The following STEAP1 variants were observed in gnomAD, a reference collection of about 807,000 sequenced individuals.
STEAP1 encodes the protein STEAP1 protein.
In STEAP1, 30 loss-of-function variants were observed where a neutral mutation model predicts 34.4. That is an observed-to-expected ratio of 0.87 (90% confidence interval 0.65 to 1.18). STEAP1 has a LOEUF of 1.18. Ranked by LOEUF, STEAP1 falls within the 50% of genes most tolerant of loss-of-function variation. The probability of loss-of-function intolerance (pLI) is 0.00; values close to 1 mark genes in which losing one functional copy is unlikely to be tolerated. For missense variants in STEAP1, 318 were observed against 391.1 expected, an observed-to-expected ratio of 0.81 and a Z score of 1.58; for synonymous variants, 116 against 135.3, an observed-to-expected ratio of 0.86 and a Z score of 0.99.
Position 90,164,500 on chromosome 7 carries a change from T to A in STEAP1, c.786T>A (p.Leu262=). 6.2e-7 allele frequency: 1 copy of A among 1,606,890 alleles called. No individual in the cohort carries two copies. The part of the protein sequence containing the change: ...YIQSKLGIVS[L]LLGTIHALIF... ...AGAGCAAGCTAGGAATTGTTTCCCT[T>A]CTACTGGGCACAATACACGCATTGA... is the stretch of plus-strand genomic sequence containing the variant. The change falls in exon 5 of 5, where the codon CTT becomes CTA. Residue 262 remains leucine, a synonymous_variant. Transcript: ENST00000297205.
At position 90,164,773 on chromosome 7, in the gene STEAP1, A is replaced by G. The variant is rs746778613; in HGVS notation, c.*39A>G. ...ACACATTTTTGTTCAATATTGATAT[A>G]TTTTATCACCAACATTTCAAGTTTG... On this transcript the variant is annotated 3_prime_UTR_variant, in exon 5 of 5. Coordinates refer to ENST00000297205, the MANE Select transcript of STEAP1 (RefSeq NM_012449.3). 1 of 1,518,034 alleles carries G rather than the reference A, an allele frequency of 6.6e-7. No homozygotes were observed. Among genetic ancestry groups the G allele is most frequent in the South Asian group, 1.3e-5 (1 of 77,630 alleles). The allele number at this position is 1,518,034 out of a possible 1,614,324, so 94.0% of individuals were successfully genotyped here.
Position 90,164,603 on chromosome 7 carries a change from C to T in STEAP1, c.889C>T (p.Leu297Phe). The change falls in exon 5 of 5, where the codon CTT (leucine) becomes TTT (phenylalanine). Residue 297 changes from leucine (L) to phenylalanine (F), a missense_variant. Coordinates refer to ENST00000297205, the MANE Select transcript of STEAP1 (RefSeq NM_012449.3). ...TPPTFMIAVF[L>F]PIVVLIFKSI... ...TCCAACTTTTATGATAGCTGTTTTC[C>T]TTCCAATTGTTGTCCTGATATTTAA... 1 of 1,613,726 alleles carries T rather than the reference C, an allele frequency of 6.2e-7. No individual in the cohort carries two copies. Among genetic ancestry groups the T allele is most frequent in the South Asian group, 1.1e-5 (1 of 91,058 alleles).
chr7:90,160,112 G>C (rs1299027364), intron 2 of STEAP1, among the ~76,000 whole-genome samples: 1 of 151,910 alleles, frequency 6.6e-6, no homozygotes, highest in Non-Finnish European at 1.5e-5. Context: ...TGAAAATCTG[G>C]GGTCTTAGTT....
At chr7:90,154,952 C>T (rs1246802905) in intron 1 of STEAP1, among the ~76,000 whole-genome samples, 3 of 152,188 alleles carry the variant, frequency 2.0e-5, no homozygotes, top group Non-Finnish European at 4.4e-5. Context: ...TGCTACTTCT[C>T]GTCTTCGGGT....
rs1794194076 is a variant in STEAP1 at position 90,162,093 on chromosome 7, A to G, written c.762+15A>G. On this transcript the variant is annotated intron_variant, in intron 4 of 4. Transcript: ENST00000297205. ...ACTATATTCAGGTAAATAATATATA[A>G]AATAACCCTAAGAGGTAAATCTTCT... The G allele has an allele frequency of 1.3e-6, 2 of 1,580,838 alleles. No individual in the cohort carries two copies. Among genetic ancestry groups the G allele is most frequent in the East Asian group, 4.5e-5 (2 of 44,168 alleles).
rs1226177377 is a variant in STEAP1 at position 90,164,565 on chromosome 7, T to C, written c.851T>C (p.Val284Ala). The change falls in exon 5 of 5, where the codon GTA (valine) becomes GCA (alanine). Residue 284 changes from valine (V) to alanine (A), a missense_variant. Transcript: ENST00000297205. Reference sequence around the variant, plus strand: ...AAGTGGATAGATATAAAACAATTTGTATGGTATACACCTCCAACTTTTATG... The same window carrying C: ...AAGTGGATAGATATAAAACAATTTGCATGGTATACACCTCCAACTTTTATG... ...WNKWIDIKQF[V>A]WYTPPTFMIA... 3 of 1,613,758 alleles carry C rather than the reference T, an allele frequency of 1.9e-6. No individual in the cohort carries two copies. The Admixed American group carries it at 5.0e-5, about 27-fold the overall frequency.
chr7:90,159,060 C>A (rs1020475421), intron 1 of STEAP1, among the ~76,000 whole-genome samples: 16 of 152,326 alleles, frequency 1.1e-4, no homozygotes, highest in African/African-American at 3.8e-4. Context: ...CATATGTTTT[C>A]TTTCCCTAAA....
At chr7:90,160,397 T>C (rs533914192) in intron 2 of STEAP1, among the ~76,000 whole-genome samples, 1 of 152,082 alleles carries the variant, frequency 6.6e-6, no homozygotes, top group South Asian at 2.1e-4. Context: ...CTTACTACAT[T>C]TTTTGACTGA....
intron 3 of STEAP1, among the ~76,000 whole-genome samples, chr7:90,161,584 C>T (rs1794187264): frequency 6.6e-6 from 1 of 152,150 alleles, no homozygotes. Flanking sequence ...TTTCAAACTT[C>T]TACCACCCTC....
intron 1 of STEAP1, among the ~76,000 whole-genome samples, 166 bp downstream of exon 1, chr7:90,154,709 G>A (rs1025572340): frequency 6.6e-6 from 1 of 152,162 alleles, no homozygotes; most frequent in Non-Finnish European, 1.5e-5. Flanking sequence ...TCAATTCTCC[G>A]CTTATGCGCG....
At position 90,161,808 on chromosome 7, in the gene STEAP1, G is replaced by C. The variant is rs911673655; in HGVS notation, c.598-106G>C. On this transcript the variant is annotated intron_variant, in intron 3 of 4. Coordinates refer to ENST00000297205, the MANE Select transcript of STEAP1 (RefSeq NM_012449.3). ...AAAAGTCATAAATTTGTGGAGACCT[G>C]TTATCAGGGCTTCATAGTAGGCACA... is the stretch of plus-strand genomic sequence containing the variant. 32 of 1,450,656 alleles carry C rather than the reference G, an allele frequency of 2.2e-5. No homozygotes were observed. The African/African-American group carries it at 3.3e-4, about 15-fold the overall frequency. 89.9% of individuals were successfully genotyped at this position (1,450,656 alleles called of 1,614,324 possible).
intron 4 of STEAP1, among the ~76,000 whole-genome samples, chr7:90,163,904 A>G (rs1473192490): frequency 1.3e-5 from 2 of 152,206 alleles, no homozygotes; most frequent in African/African-American, 2.4e-5. Flanking sequence ...TTTTAAAAAC[A>G]TAGGCCAAGT....
At chr7:90,156,679 G>A (rs1794123298) in intron 1 of STEAP1, among the ~76,000 whole-genome samples, 1 of 152,176 alleles carries the variant, frequency 6.6e-6, no homozygotes, top group Non-Finnish European at 1.5e-5. Context: ...ATCTGAGGTG[G>A]AACAGTTTCA....
chr7:90,162,306 TTTTTTG>T, intron 4 of STEAP1: 1 of 688,040 alleles, frequency 1.5e-6, no homozygotes, highest in Middle Eastern at 5.0e-4. Context: ...TTTGTTTTTT[TTTTTTG>T]TTTGTTTGTT....
At chr7:90,155,058 A>G (rs763748498) in intron 1 of STEAP1, among the ~76,000 whole-genome samples, 7 of 152,148 alleles carry the variant, frequency 4.6e-5, no homozygotes, top group Non-Finnish European at 7.3e-5. Context: ...AAAATAGTCA[A>G]TCAAGGCTTT....
chr7:90,162,309 T>TG (rs1562785090), intron 4 of STEAP1: 2 of 594,484 alleles, frequency 3.4e-6, no homozygotes, highest in East Asian at 8.3e-5. Flanking sequence ...GTTTTTTTTT[T>TG]TTGTTTGTTT....
At chr7:90,159,432 G>A (rs892951759) in intron 1 of STEAP1, among the ~76,000 whole-genome samples, 1 of 152,182 alleles carries the variant, frequency 6.6e-6, no homozygotes, top group African/African-American at 2.4e-5. Flanking sequence ...GAAAGGAGTT[G>A]GCTTTCCTCC....
rs368547263 is a variant in STEAP1, at chr7:90,164,572, T to C, written c.858T>C (p.Tyr286=). Residue 286 remains tyrosine (Y), a synonymous_variant, in exon 5 of 5, where the codon TAT becomes TAC. Transcript: ENST00000297205. ...TAGATATAAAACAATTTGTATGGTA[T>C]ACACCTCCAACTTTTATGATAGCTG... ...KWIDIKQFVW[Y]TPPTFMIAVF... is the part of the protein sequence containing the mutation. 6.8e-6 allele frequency: 11 copies of C among 1,613,648 alleles called. No individual in the cohort carries two copies. The highest frequency in any genetic ancestry group is 5.3e-5 in the African/African-American group (4 of 74,906).
intron 4 of STEAP1, among the ~76,000 whole-genome samples, chr7:90,163,537 T>C (rs1794212634): frequency 6.6e-6 from 1 of 152,218 alleles, no homozygotes; most frequent in Non-Finnish European, 1.5e-5. Flanking sequence ...ATCTGAGAAC[T>C]GGTTACACTA....
Sources: gnomAD v4.1 joint callset for allele counts (sites outside exome capture counted in the v4.1 genomes callset) on GRCh38, gnomAD v4.1.1 for gene constraint, MANE v1.5 for transcripts, NCBI Gene and HGNC (gene_info 2026-07-23, HGNC 2026-07-21) for gene names.